Variants in HECTD2 observed in about 807,000 individuals in gnomAD.
HECTD2 encodes the protein HECT domain E3 ubiquitin protein ligase 2.
In HECTD2, 35 loss-of-function variants were observed where a neutral mutation model predicts 103.2. The observed-to-expected ratio is 0.34, with a 90% CI of 0.26 to 0.45. The LOEUF (loss-of-function observed/expected upper bound fraction) is 0.45. HECTD2 is among the 20% of genes least tolerant of loss of function. The pLI is 1.00. For missense variants in HECTD2, 596 were observed against 937.4 expected, an observed-to-expected ratio of 0.64 and a Z score of 4.76; for synonymous variants, 281 against 329.9, an observed-to-expected ratio of 0.85 and a Z score of 1.61.
intron 2 of HECTD2, among the ~76,000 whole-genome samples, chr10:91,439,736 T>G (rs1844313805): frequency 6.6e-6 from 1 of 152,202 alleles, no homozygotes. Context: ...TTTCCCTTTG[T>G]TTGTGTCCTC....
intron 9 of HECTD2, 145 bp from the exon 10 acceptor site, chr10:91,485,035 A>G (rs756098083): frequency 5.5e-6 from 3 of 548,886 alleles, no homozygotes; most frequent in Non-Finnish European, 9.2e-6. Flanking sequence ...TTTTTAAATT[A>G]CCCCTTTCAT....
intron 5 of HECTD2, among the ~76,000 whole-genome samples, chr10:91,473,196 G>A (rs1225160930): frequency 6.6e-6 from 1 of 152,054 alleles, no homozygotes; most frequent in Non-Finnish European, 1.5e-5. Flanking sequence ...TCGTAATAAA[G>A]ATACCTTATA....
In HECTD2 at chr10:91,490,890, CAAAAAAAAAAAAAAAAAA is replaced by C. The variant is rs61035151; in HGVS notation, c.1192-298_1192-281del. 0.015 allele frequency among the ~76,000 whole-genome samples: 200 copies of C among 13,604 alleles called. 6 individuals carry two copies. In the Middle Eastern group the frequency reaches 0.19, roughly 13 times the overall value. 8.9% of individuals were successfully genotyped at this position (13,604 alleles called of 152,430 possible). Reference sequence around the variant, plus strand: ...TGGGCGAAAGAGTGAGACTCCGTCTCAAAAAAAAAAAAAAAAAAAAAAAAAAAAAGAGATGAGACATAC... The same window carrying C: ...TGGGCGAAAGAGTGAGACTCCGTCTCAAAAAAAAAAAGAGATGAGACATAC... On this transcript the variant is annotated intron_variant, in intron 11 of 20. Transcript: ENST00000298068.
intron 10 of HECTD2, chr10:91,486,504 A>G (rs900944558): frequency 1.3e-5 from 2 of 152,172 alleles, no homozygotes; most frequent in Non-Finnish European, 2.9e-5. Context: ...TTAGGGTTTT[A>G]ATCCTAGGAT....
chr10:91,430,166 A>G (rs944720369), intron 2 of HECTD2, among the ~76,000 whole-genome samples: 1 of 152,162 alleles, frequency 6.6e-6, no homozygotes, highest in Non-Finnish European at 1.5e-5. Context: ...TAGGTTGTTC[A>G]GTTTCCATGT....
At chr10:91,462,713 A>T in intron 5 of HECTD2, 1 of 987,250 alleles carries the variant, frequency 1.0e-6, no homozygotes, top group Non-Finnish European at 1.2e-6. Flanking sequence ...CTAAGTGGGA[A>T]TGATAAAGAC....
Position 91,503,327 on chromosome 10 carries a change from G to A in HECTD2, c.2210+1993G>A, listed in dbSNP as rs577875629. On this transcript the variant is annotated intron_variant, in intron 20 of 20. Transcript: ENST00000298068. ...GTCTACAGCTCCCAGCCTGAGCGAC[G>A]CAGAAGATGGGTGATTTCTGCATTT... 9.0e-3 allele frequency among the ~76,000 whole-genome samples: 1,370 copies of A among 152,102 alleles called. 16 individuals are homozygous for A. Among genetic ancestry groups the A allele is most frequent in the Non-Finnish European group, 0.012 (829 of 68,002 alleles).
chr10:91,461,407 C>A, intron 4 of HECTD2, 51 bp downstream of exon 4: 2 of 897,106 alleles, frequency 2.2e-6, no homozygotes, highest in Non-Finnish European at 3.4e-6. Flanking sequence ...TTTAAATTTT[C>A]CAAAAATGAT....
At chr10:91,485,829 A>G (rs1365352856) in intron 10 of HECTD2, 1 of 152,096 alleles carries the variant, frequency 6.6e-6, no homozygotes, top group Non-Finnish European at 1.5e-5. Context: ...AGACACACAC[A>G]TACATTCATT....
chr10:91,426,618 G>C (rs1163493275), intron 2 of HECTD2, among the ~76,000 whole-genome samples: 1 of 150,954 alleles, frequency 6.6e-6, no homozygotes, highest in African/African-American at 2.4e-5. Flanking sequence ...CGCCAATATT[G>C]CCCTAAGGAG....
rs376510687 is a variant in HECTD2, at chr10:91,478,204, C to G, written c.604C>G (p.Gln202Glu). ...AVYDTLLNTP[Q>E]DVQKTVLKGI... is the part of the protein sequence containing the mutation. ...TACTGTTTTCTTTTGCCTACAGCCT[C>G]AAGACGTTCAGAAGACAGTATTAAA... The change falls in exon 6 of 21, where the codon CAA becomes GAA. Residue 202 changes from glutamine (Q) to glutamate (E), a missense_variant. By Grantham distance (29) the Gln-to-Glu change is conservative. This residue lies in a region of HECTD2 where 303 missense variants were observed against 522.5 expected (regional missense o/e 0.58). Transcript: ENST00000298068. 13 of 1,607,472 alleles carry G rather than the reference C, an allele frequency of 8.1e-6. No homozygotes were observed. In the African/African-American group the frequency reaches 1.6e-4, roughly 20 times the overall value.
intron 1 of HECTD2, among the ~76,000 whole-genome samples, chr10:91,423,676 A>G (rs571938300): frequency 1.4e-4 from 21 of 152,252 alleles, no homozygotes; most frequent in African/African-American, 4.8e-4. Context: ...ACTAATTTCT[A>G]AAAGTCTATT....
chr10:91,437,619 C>CTTTTTTTTTTTTTTTTTTGTGTTTTTT (rs1844176801), intron 2 of HECTD2, among the ~76,000 whole-genome samples: 1 of 87,426 alleles, frequency 1.1e-5, no homozygotes, highest in Non-Finnish European at 2.7e-5. Flanking sequence ...GATGGTTGTT[C>CTTTTTTTTTTTTTTTTTTGTGTTTTTT]TTTTTTTTTT....
intron 5 of HECTD2, among the ~76,000 whole-genome samples, chr10:91,473,129 CAA>C (rs372556026): frequency 5.5e-4 from 84 of 151,836 alleles, no homozygotes; most frequent in African/African-American, 2.0e-3. Flanking sequence ...ACAGGGGAAA[CAA>C]AATATATACT....
rs567361650 is a variant in HECTD2 at position 91,487,109 on chromosome 10, A to C, written c.1095-573A>C. Reference sequence around the variant, plus strand: ...GGGTTATTTTCATAACCTTTTTATAATGTGTAATTACAAATACATACCATT... The same window carrying C: ...GGGTTATTTTCATAACCTTTTTATACTGTGTAATTACAAATACATACCATT... On this transcript the variant is annotated intron_variant, in intron 10 of 20. Coordinates refer to ENST00000298068, the MANE Select transcript of HECTD2 (RefSeq NM_182765.6). The surrounding 1 kb of genome is among the most constrained non-coding windows in gnomAD (Gnocchi z 4.1). 2 of 154,392 alleles carry C rather than the reference A, an allele frequency of 1.3e-5. No homozygotes were observed. The highest frequency in any genetic ancestry group is 2.9e-5 in the Non-Finnish European group (2 of 69,522). The allele number at this position is 154,392 out of a possible 1,614,324, so 9.6% of individuals were successfully genotyped here.
intron 20 of HECTD2, among the ~76,000 whole-genome samples, chr10:91,508,476 C>CCT: frequency 6.6e-6 from 1 of 151,488 alleles, no homozygotes; most frequent in Non-Finnish European, 1.5e-5. Context: ...CATGAACAGA[C>CCT]ACTTCTCAAA....
At position 91,456,024 on chromosome 10, in the gene HECTD2, T is replaced by A. The variant is rs1454384607; in HGVS notation, c.269-4403T>A. 3.3e-5 allele frequency among the ~76,000 whole-genome samples: 5 copies of A among 152,194 alleles called. No homozygotes were observed. In the East Asian group the frequency reaches 9.6e-4, roughly 29 times the overall value. Reference sequence around the variant, plus strand: ...GGTAGCGTGATGCCTCCAGCTTTGTTCTTTTGGCTTAGGATTGACTTAGCA... The same window carrying A: ...GGTAGCGTGATGCCTCCAGCTTTGTACTTTTGGCTTAGGATTGACTTAGCA... On this transcript the variant is annotated intron_variant, in intron 2 of 20. Transcript: ENST00000298068.
At chr10:91,427,678 C>A (rs975184682) in intron 2 of HECTD2, among the ~76,000 whole-genome samples, 1 of 152,092 alleles carries the variant, frequency 6.6e-6, no homozygotes, top group African/African-American at 2.4e-5. Context: ...ATCCTTTGCC[C>A]ACTTTTTGAT....
intron 5 of HECTD2, among the ~76,000 whole-genome samples, chr10:91,472,424 A>T (rs978172734): frequency 6.6e-6 from 1 of 152,180 alleles, no homozygotes; most frequent in Non-Finnish European, 1.5e-5. Flanking sequence ...AGATGCCAAA[A>T]GCAATTGCGA....
Sources: allele counts gnomAD v4.1 joint callset (sites outside exome capture counted in the v4.1 genomes callset), GRCh38; gene constraint gnomAD v4.1.1; regional missense constraint gnomAD v4.1.1; non-coding constraint Gnocchi (gnomAD v3.1); transcripts MANE v1.5; gene names NCBI Gene and HGNC (gene_info 2026-07-23, HGNC 2026-07-21).